Variants in DDX4 observed in about 807,000 individuals in gnomAD.
DDX4 encodes the protein DEAD-box helicase 4.
In DDX4, 25 loss-of-function variants were observed where a neutral mutation model predicts 100.0. The ratio of observed to expected loss-of-function variants is 0.25; its 90% CI spans 0.18 to 0.35. The LOEUF (loss-of-function observed/expected upper bound fraction) is 0.35, where lower values mean the gene tolerates loss of function less well. Ranked by LOEUF, DDX4 falls within the 10% of genes least tolerant of loss-of-function variation. The pLI, the probability that DDX4 is intolerant of heterozygous loss-of-function variation, is 1.00. For missense variants in DDX4, 635 were observed against 882.4 expected (o/e 0.72, Z 3.55); for synonymous variants, 259 against 275.7 (o/e 0.94, Z 0.60).
chr5:55,804,622 C>T (rs1333103656), intron 18 of DDX4, among the ~76,000 whole-genome samples: 1 of 151,940 alleles, frequency 6.6e-6, no homozygotes, highest in African/African-American at 2.4e-5. Flanking sequence ...TGTCAAAGAT[C>T]AGATAGTTGT....
chr5:55,762,740 T>A (rs1230285933), intron 4 of DDX4, among the ~76,000 whole-genome samples: 3 of 152,060 alleles, frequency 2.0e-5, no homozygotes, highest in Admixed American at 1.3e-4. Context: ...GTTTTAATTT[T>A]AAAAATGGAA....
intron 18 of DDX4, among the ~76,000 whole-genome samples, chr5:55,799,409 T>C (rs895629878): frequency 2.6e-5 from 4 of 152,202 alleles, no homozygotes; most frequent in African/African-American, 9.7e-5. Flanking sequence ...GGGGCCTTGC[T>C]TTATTGCCAA....
intron 18 of DDX4, among the ~76,000 whole-genome samples, chr5:55,807,836 G>A (rs923851236): frequency 2.6e-5 from 4 of 152,042 alleles, no homozygotes; most frequent in South Asian, 4.2e-4. Flanking sequence ...TCTTTGTGGC[G>A]TTCTCTCTTT....
chr5:55,794,903 T>C (rs184797235), intron 17 of DDX4, among the ~76,000 whole-genome samples: 5 of 152,244 alleles, frequency 3.3e-5, no homozygotes, highest in Admixed American at 2.6e-4. Context: ...CTTCTACTTA[T>C]ACCTGTAACT....
intron 3 of DDX4, among the ~76,000 whole-genome samples, chr5:55,759,988 T>C (rs561123508): frequency 6.6e-6 from 1 of 152,172 alleles, no homozygotes; most frequent in Non-Finnish European, 1.5e-5. Context: ...TTTCTAGTTC[T>C]TTATGAATCA....
chr5:55,810,775 T>G (rs890921803), intron 18 of DDX4, among the ~76,000 whole-genome samples: 2 of 152,298 alleles, frequency 1.3e-5, no homozygotes, highest in South Asian at 4.1e-4. Flanking sequence ...CTGGGTGAAT[T>G]TCTTCTTCTA....
At chr5:55,756,743 C>T (rs1350267477) in intron 3 of DDX4, among the ~76,000 whole-genome samples, 1 of 152,056 alleles carries the variant, frequency 6.6e-6, no homozygotes, top group East Asian at 1.9e-4. Context: ...GGATTGTGTA[C>T]ACTAACACTA....
chr5:55,738,841 C>A (rs1758830970), intron 1 of DDX4, 109 bp from the exon 2 acceptor site: 2 of 721,596 alleles, frequency 2.8e-6, no homozygotes, highest in Non-Finnish European at 2.4e-6. Context: ...GGTATCAGCA[C>A]CTAGTTGGGT....
At chr5:55,767,471 T>C (rs1222275993) in intron 6 of DDX4, among the ~76,000 whole-genome samples, 1 of 152,316 alleles carries the variant, frequency 6.6e-6, no homozygotes, top group South Asian at 2.1e-4. Flanking sequence ...AGAAAAGATA[T>C]GACATTATAA....
intron 7 of DDX4, among the ~76,000 whole-genome samples, chr5:55,778,356 C>T (rs545946909): frequency 6.6e-6 from 1 of 151,962 alleles, no homozygotes; most frequent in South Asian, 2.1e-4. Flanking sequence ...AAATGTAAAA[C>T]TTGCTAATAG....
chr5:55,813,325 T>C (rs1332190636), intron 18 of DDX4, among the ~76,000 whole-genome samples: 1 of 152,108 alleles, frequency 6.6e-6, no homozygotes, highest in Non-Finnish European at 1.5e-5. Context: ...AAAAAACATT[T>C]ATAGAGCGAG....
chr5:55,745,165 G>A (rs748358304), intron 2 of DDX4, among the ~76,000 whole-genome samples: 16 of 152,176 alleles, frequency 1.1e-4, no homozygotes, highest in Non-Finnish European at 2.2e-4. Context: ...ACAGGTGTGA[G>A]CCACTGAGCC....
intron 21 of DDX4, among the ~76,000 whole-genome samples, 160 bp downstream of exon 21, chr5:55,815,583 A>G (rs139603979): frequency 0.01 from 1,544 of 152,254 alleles, 9 homozygotes; most frequent in Middle Eastern, 0.041. Context: ...ATGTATATAC[A>G]TATTTTTGGT....
chr5:55,748,785 C>G (rs963899754), intron 3 of DDX4, among the ~76,000 whole-genome samples: 3 of 152,062 alleles, frequency 2.0e-5, no homozygotes, highest in Non-Finnish European at 4.4e-5. Context: ...CTAAATTTAG[C>G]TACCATTGAT....
intron 3 of DDX4, among the ~76,000 whole-genome samples, chr5:55,757,237 T>C (rs770023733): frequency 6.6e-6 from 1 of 152,146 alleles, no homozygotes; most frequent in Non-Finnish European, 1.5e-5. Flanking sequence ...CTGTACCCAA[T>C]TTGTAGTCTT....
At chr5:55,760,149 T>C (rs1180518293) in intron 3 of DDX4, 51 bp from the exon 4 acceptor site, 1 of 1,545,974 alleles carries the variant, frequency 6.5e-7, no homozygotes, top group Non-Finnish European at 8.7e-7. Context: ...GGTTTGCAAG[T>C]ACTAGATACT....
chr5:55,752,174 TTTTTC>T (rs1325915428), intron 3 of DDX4, among the ~76,000 whole-genome samples: 1 of 152,016 alleles, frequency 6.6e-6, no homozygotes, highest in Non-Finnish European at 1.5e-5. Flanking sequence ...TTTATTAATT[TTTTTC>T]TTTTCTATTT....
At chr5:55,802,253 TG>T (rs1367266026) in intron 18 of DDX4, among the ~76,000 whole-genome samples, 1 of 152,146 alleles carries the variant, frequency 6.6e-6, no homozygotes, top group Non-Finnish European at 1.5e-5. Flanking sequence ...AATCTGAATT[TG>T]GGTTGGGATG....
intron 10 of DDX4, among the ~76,000 whole-genome samples, chr5:55,782,620 A>T (rs1741991100): frequency 6.6e-6 from 1 of 152,018 alleles, no homozygotes; most frequent in Non-Finnish European, 1.5e-5. Flanking sequence ...TAAACAAAAA[A>T]AAACTGTTTA....
Sources: gnomAD v4.1 joint callset for allele counts (sites outside exome capture counted in the v4.1 genomes callset) on GRCh38, gnomAD v4.1.1 for gene constraint, MANE v1.5 for transcripts, NCBI Gene and HGNC (gene_info 2026-07-23, HGNC 2026-07-21) for gene names.